SOX6: variants seen among roughly 807,000 people sequenced by gnomAD.
SOX6 encodes the protein transcription factor SOX-6.
A neutral mutation model predicts 97.8 loss-of-function variants in SOX6; 11 were observed. That is an observed-to-expected ratio of 0.11 (90% CI 0.07 to 0.19). The LOEUF is 0.19. SOX6 is among the 10% of genes least tolerant of loss of function. SOX6 has a pLI of 1.00. For missense variants in SOX6, 810 were observed against 1,039.5 expected (o/e 0.78, Z 3.04); for synonymous variants, 360 against 371.4 (o/e 0.97, Z 0.35).
chr11:16,007,615 T>C (rs1481791639), intron 13 of SOX6, among the ~76,000 whole-genome samples: 1 of 152,114 alleles, frequency 6.6e-6, no homozygotes, highest in Non-Finnish European at 1.5e-5. Context: ...TTAAAGCACA[T>C]TCATAACTAG....
chr11:16,135,063 G>A (rs905934430), intron 6 of SOX6, among the ~76,000 whole-genome samples: 2 of 152,112 alleles, frequency 1.3e-5, no homozygotes, highest in Non-Finnish European at 1.5e-5. Context: ...CCTTGCCTGT[G>A]CTCTATAAGT....
intron 4 of SOX6, among the ~76,000 whole-genome samples, chr11:16,554,371 T>C (rs1431727989): frequency 6.6e-6 from 1 of 152,112 alleles, no homozygotes; most frequent in Admixed American, 6.6e-5. Flanking sequence ...CCAATTAACT[T>C]AGGTTTTTTC....
At position 16,614,625 on chromosome 11, in the gene SOX6, T is replaced by C. The variant is rs182684896; in HGVS notation, n.430-2365A>G. Among the ~76,000 whole-genome samples, 3 of 152,352 alleles carry C rather than the reference T, an allele frequency of 2.0e-5. No individual in the cohort carries two copies. The East Asian group carries it at 5.8e-4, about 29-fold the overall frequency. On this transcript the variant is annotated intron_variant and non_coding_transcript_variant, in intron 3 of 5. Coordinates refer to the SOX6 transcript ENST00000524520. ...GCCTTGCACTAAAAGAATGCCAGGC[T>C]TAAGAACCTCCTAGCTAAATCCTGA...
intron 4 of SOX6, among the ~76,000 whole-genome samples, chr11:16,492,415 C>T (rs191655424): frequency 2.0e-5 from 3 of 152,226 alleles, no homozygotes; most frequent in East Asian, 1.9e-4. Flanking sequence ...CTGAAGCCCA[C>T]GGAAATATGT....
intron 9 of SOX6, among the ~76,000 whole-genome samples, chr11:16,075,194 A>G (rs1298273623): frequency 1.3e-5 from 2 of 152,222 alleles, no homozygotes; most frequent in South Asian, 2.1e-4. Flanking sequence ...GTCTATTTTC[A>G]TACTGCTAAG....
intron 6 of SOX6, among the ~76,000 whole-genome samples, chr11:16,115,610 A>G (rs189334320): frequency 1.9e-3 from 291 of 152,292 alleles, no homozygotes; most frequent in African/African-American, 6.8e-3. Context: ...CAATTTACAC[A>G]TAGGAAAACA....
intron 2 of SOX6, among the ~76,000 whole-genome samples, chr11:16,727,128 C>A (rs552831262): frequency 1.1e-4 from 17 of 148,332 alleles, no homozygotes; most frequent in Admixed American, 1.1e-3. Flanking sequence ...GTACACCTAA[C>A]CCCCATCTAC....
intron 11 of SOX6, among the ~76,000 whole-genome samples, chr11:16,049,195 T>C (rs1295256594): frequency 2.0e-5 from 3 of 152,126 alleles, no homozygotes; most frequent in Admixed American, 6.6e-5. Flanking sequence ...TTTTCCTCCA[T>C]ACTTTTCACA....
chr11:16,594,349 G>A (rs1174312966), intron 4 of SOX6, among the ~76,000 whole-genome samples: 1 of 152,084 alleles, frequency 6.6e-6, no homozygotes, highest in East Asian at 1.9e-4. Flanking sequence ...ACAAATGGAC[G>A]CATTCTCTGG....
In SOX6 at chr11:16,138,700, C is replaced by G. The variant is rs1046412752; in HGVS notation, c.778-26777G>C. On this transcript the variant is annotated intron_variant, in intron 6 of 15. Transcript: ENST00000683767. ...TATCTCCTAATGCTATCCCTCCCCC[C>G]TCCTCCCACCCCACAACAGTCCCCA... is the stretch of plus-strand genomic sequence containing the variant. Among the ~76,000 whole-genome samples, 4 of 152,104 alleles carry G rather than the reference C, an allele frequency of 2.6e-5. No homozygotes were observed. The South Asian group carries it at 6.2e-4, about 24-fold the overall frequency.
chr11:16,226,337 G>GC (rs1554946261), intron 4 of SOX6, among the ~76,000 whole-genome samples: 2 of 105,414 alleles, frequency 1.9e-5, no homozygotes, highest in Non-Finnish European at 4.0e-5. Context: ...TTTTGTTTTT[G>GC]TTTTTTTTTT....
At chr11:16,394,995 G>T (rs768696519) in intron 1 of SOX6, among the ~76,000 whole-genome samples, 5 of 151,760 alleles carry the variant, frequency 3.3e-5, no homozygotes, top group African/African-American at 1.2e-4. Flanking sequence ...ACCGCCATCC[G>T]CACCCCAATC....
intron 9 of SOX6, among the ~76,000 whole-genome samples, chr11:16,071,145 C>T (rs1314340372): frequency 2.0e-5 from 3 of 152,074 alleles, no homozygotes; most frequent in Non-Finnish European, 4.4e-5. Context: ...GGGCAGGCAA[C>T]TTTACCAAAC....
At chr11:16,572,622 C>T (rs371417930) in intron 4 of SOX6, among the ~76,000 whole-genome samples, 12 of 152,262 alleles carry the variant, frequency 7.9e-5, no homozygotes, top group South Asian at 2.1e-4. Flanking sequence ...CTAAGTTGTA[C>T]TCCTGAAACT....
chr11:16,720,032 G>T (rs961685825), intron 2 of SOX6, among the ~76,000 whole-genome samples: 1 of 152,104 alleles, frequency 6.6e-6, no homozygotes, highest in African/African-American at 2.4e-5. Flanking sequence ...TGATCAAGTG[G>T]GCTTTATCCC....
intron 15 of SOX6, among the ~76,000 whole-genome samples, chr11:15,984,867 T>C (rs960477485): frequency 1.3e-5 from 2 of 152,222 alleles, no homozygotes; most frequent in Non-Finnish European, 2.9e-5. Context: ...GAGTTCACCT[T>C]TATTGATATC....
intron 4 of SOX6, among the ~76,000 whole-genome samples, chr11:16,483,760 C>T (rs1741343355): frequency 6.6e-6 from 1 of 152,226 alleles, no homozygotes; most frequent in African/African-American, 2.4e-5. Context: ...AAGGGGTAAT[C>T]CTTGTGGGAG....
intron 3 of SOX6, among the ~76,000 whole-genome samples, chr11:16,285,666 C>T (rs954757080): frequency 2.0e-5 from 3 of 152,110 alleles, no homozygotes; most frequent in African/African-American, 4.8e-5. Flanking sequence ...TGTCTGTGAA[C>T]GAATGAATGA....
intron 2 of SOX6, among the ~76,000 whole-genome samples, chr11:16,726,433 A>G (rs141198143): frequency 2.9e-3 from 447 of 152,310 alleles, no homozygotes; most frequent in Middle Eastern, 0.01. Context: ...ATAAATAAAT[A>G]CAATCAATAG....
Sources: gnomAD v4.1 joint callset for allele counts (sites outside exome capture counted in the v4.1 genomes callset) on GRCh38, gnomAD v4.1.1 for gene constraint, MANE v1.5 for transcripts, NCBI Gene and HGNC (gene_info 2026-07-23, HGNC 2026-07-21) for gene names.